The following MAGI1 variants were observed in gnomAD, a reference collection of about 807,000 sequenced individuals.
MAGI1 encodes the protein membrane-associated guanylate kinase, WW and PDZ domain-containing protein 1.
A neutral mutation model predicts 139.9 loss-of-function variants in MAGI1; 58 were observed. That is an observed-to-expected ratio of 0.41 (90% confidence interval 0.34 to 0.52). MAGI1 has a LOEUF of 0.52. Among genes scored for constraint, MAGI1 ranks in the 20% least tolerant of loss-of-function variants. The probability of loss-of-function intolerance (pLI) is 0.12; values close to 1 mark genes in which losing one functional copy is unlikely to be tolerated. For synonymous variants in MAGI1, 812 were observed against 737.9 expected (o/e 1.10, Z -1.63); for missense variants, 1,874 against 1,901.6 (o/e 0.99, Z 0.27).
chr3:65,801,419 C>T (rs1020176047), intron 1 of MAGI1, among the ~76,000 whole-genome samples: 2 of 152,132 alleles, frequency 1.3e-5, no homozygotes, highest in Non-Finnish European at 1.5e-5. Context: ...GAAAAATGTC[C>T]GGTCGCTTAA....
chr3:65,422,478 T>C (rs1009748358), intron 12 of MAGI1, among the ~76,000 whole-genome samples: 1 of 152,198 alleles, frequency 6.6e-6, no homozygotes, highest in African/African-American at 2.4e-5. Flanking sequence ...TCTATTATAA[T>C]GCTCACAACC....
intron 1 of MAGI1, among the ~76,000 whole-genome samples, chr3:65,984,702 A>ATTTTT (rs869295614): frequency 1.2e-5 from 1 of 86,382 alleles, no homozygotes. Flanking sequence ...TGCCTTGCTA[A>ATTTTT]TTTTTTTTTC....
At chr3:65,841,720 T>C (rs1201794205) in intron 1 of MAGI1, among the ~76,000 whole-genome samples, 1 of 152,070 alleles carries the variant, frequency 6.6e-6, no homozygotes, top group African/African-American at 2.4e-5. Flanking sequence ...GCCACCGTGC[T>C]CGGCCAATTT....
At chr3:65,740,248 A>C (rs2035144631) in intron 1 of MAGI1, among the ~76,000 whole-genome samples, 1 of 152,198 alleles carries the variant, frequency 6.6e-6, no homozygotes, top group African/African-American at 2.4e-5. Context: ...TACTGGACTG[A>C]TAATGATGCT....
At chr3:65,509,275 C>T (rs902508243) in intron 2 of MAGI1, among the ~76,000 whole-genome samples, 1 of 152,124 alleles carries the variant, frequency 6.6e-6, no homozygotes, top group African/African-American at 2.4e-5. Flanking sequence ...ACATATGTTA[C>T]ATTTGGGTTT....
At chr3:65,564,935 G>T (rs1170250773) in intron 2 of MAGI1, among the ~76,000 whole-genome samples, 1 of 152,122 alleles carries the variant, frequency 6.6e-6, no homozygotes, top group African/African-American at 2.4e-5. Flanking sequence ...AGCCAGTGGG[G>T]GCTCCATCTC....
intron 2 of MAGI1, among the ~76,000 whole-genome samples, chr3:65,580,792 T>G (rs926032704): frequency 6.6e-6 from 1 of 152,208 alleles, no homozygotes; most frequent in Non-Finnish European, 1.5e-5. Context: ...GTCAGTTGTT[T>G]CTCTTACAGT....
intron 1 of MAGI1, among the ~76,000 whole-genome samples, chr3:65,963,258 G>A (rs1354454783): frequency 1.4e-5 from 2 of 143,148 alleles, no homozygotes; most frequent in Admixed American, 1.4e-4. Flanking sequence ...GTTGCAGTGA[G>A]TCGAGAGCGC....
intron 12 of MAGI1, among the ~76,000 whole-genome samples, chr3:65,407,679 C>T (rs899376555): frequency 2.0e-5 from 3 of 152,058 alleles, no homozygotes; most frequent in African/African-American, 7.2e-5. Context: ...TATATTCACA[C>T]ACATCATATA....
intron 10 of MAGI1, among the ~76,000 whole-genome samples, chr3:65,433,890 C>T (rs903344236): frequency 9.9e-5 from 15 of 152,122 alleles, no homozygotes; most frequent in Non-Finnish European, 1.8e-4. Flanking sequence ...AAATGCTCTG[C>T]ACCTGCACTG....
At chr3:65,573,896 C>G (rs1452869834) in intron 2 of MAGI1, among the ~76,000 whole-genome samples, 1 of 152,104 alleles carries the variant, frequency 6.6e-6, no homozygotes, top group East Asian at 1.9e-4. Context: ...CACCCATTCA[C>G]TTGTGTATTA....
intron 1 of MAGI1, among the ~76,000 whole-genome samples, chr3:65,709,251 A>G (rs1490004625): frequency 1.3e-5 from 2 of 152,214 alleles, no homozygotes; most frequent in Admixed American, 1.3e-4. Context: ...CACATTTCTT[A>G]TACCAATCTC....
chr3:65,412,673 G>A (rs1223306215), intron 12 of MAGI1, among the ~76,000 whole-genome samples: 1 of 152,172 alleles, frequency 6.6e-6, no homozygotes, highest in Non-Finnish European at 1.5e-5. Flanking sequence ...AAGGGGAGGA[G>A]CTGCTTGGCC....
intron 1 of MAGI1, among the ~76,000 whole-genome samples, chr3:65,631,588 C>A (rs945158536): frequency 6.6e-6 from 1 of 152,032 alleles, no homozygotes; most frequent in Non-Finnish European, 1.5e-5. Context: ...ACAAAAAGCA[C>A]AAAAAATGTT....
intron 1 of MAGI1, among the ~76,000 whole-genome samples, chr3:65,785,084 CAT>C (rs1275405240): frequency 2.0e-5 from 3 of 152,182 alleles, no homozygotes; most frequent in Non-Finnish European, 2.9e-5. Flanking sequence ...CTAAATTGTA[CAT>C]GTTACATGAA....
At chr3:65,942,277 T>G (rs781574210) in intron 1 of MAGI1, among the ~76,000 whole-genome samples, 1 of 152,140 alleles carries the variant, frequency 6.6e-6, no homozygotes, top group East Asian at 1.9e-4. Context: ...TAGTGAAATA[T>G]TCAGTTGTAA....
intron 1 of MAGI1, among the ~76,000 whole-genome samples, chr3:66,017,855 A>G (rs887721973): frequency 1.3e-5 from 2 of 152,180 alleles, no homozygotes; most frequent in African/African-American, 4.8e-5. Context: ...TTGAAAAGAA[A>G]GGACTCTTAG....
chr3:65,638,539 C>T (rs1382136321), intron 1 of MAGI1, among the ~76,000 whole-genome samples: 3 of 150,334 alleles, frequency 2.0e-5, no homozygotes, highest in Non-Finnish European at 4.4e-5. Flanking sequence ...TCCTTCCTTC[C>T]TCCCACCTCA....
At chr3:65,673,638 G>A (rs553942670) in intron 1 of MAGI1, among the ~76,000 whole-genome samples, 4 of 152,284 alleles carry the variant, frequency 2.6e-5, no homozygotes, top group Admixed American at 2.6e-4. Flanking sequence ...CCATGGACAG[G>A]ATCTCTAAGG....
Sources: allele counts gnomAD v4.1 joint callset (sites outside exome capture counted in the v4.1 genomes callset), GRCh38; gene constraint gnomAD v4.1.1; transcripts MANE v1.5; gene names NCBI Gene and HGNC (gene_info 2026-07-23, HGNC 2026-07-21).